BACH2: variants seen among roughly 807,000 people sequenced by gnomAD.
The protein encoded by BACH2 is transcription regulator protein BACH2.
Under a neutral mutation model 61.8 loss-of-function variants are expected in BACH2, and 5 were observed. That is an observed-to-expected ratio of 0.08 (90% CI 0.04 to 0.17). The LOEUF is 0.17. Among genes scored for constraint, BACH2 ranks in the 10% least tolerant of loss-of-function variants. The pLI is 1.00. For missense variants in BACH2, 824 were observed against 1,091.1 expected (o/e 0.76, Z 3.45); for synonymous variants, 446 against 440.1 (o/e 1.01, Z -0.17).
chr6:90,033,108 C>CA (rs34472999), intron 5 of BACH2, among the ~76,000 whole-genome samples: 56,649 of 150,962 alleles, frequency 0.38, 11,656 homozygotes, highest in East Asian at 0.82. Context: ...ATCGCAAGGA[C>CA]AAAAAACCAA....
intron 4 of BACH2, among the ~76,000 whole-genome samples, chr6:90,143,143 T>C (rs1164391445): frequency 2.6e-5 from 4 of 152,124 alleles, no homozygotes; most frequent in Non-Finnish European, 5.9e-5. Context: ...GTGACAGGGA[T>C]AGGTCTGCTT....
At chr6:90,014,772 CTTTTTATTT>C (rs1403389608) in intron 5 of BACH2, among the ~76,000 whole-genome samples, 4 of 151,208 alleles carry the variant, frequency 2.6e-5, no homozygotes, top group Non-Finnish European at 5.9e-5. Context: ...CGCCCCTGGC[CTTTTTATTT>C]TTTTTATTTT....
chr6:90,101,196 T>G (rs566037803), intron 4 of BACH2, among the ~76,000 whole-genome samples: 3 of 152,208 alleles, frequency 2.0e-5, no homozygotes, highest in Admixed American at 1.3e-4. Flanking sequence ...TGGACCATCT[T>G]TTCACTTTCT....
chr6:90,188,210 T>C (rs1276362386), intron 4 of BACH2, among the ~76,000 whole-genome samples: 1 of 152,264 alleles, frequency 6.6e-6, no homozygotes. Flanking sequence ...ATTTCTAAAA[T>C]GTAAAGTTTA....
intron 5 of BACH2, among the ~76,000 whole-genome samples, chr6:90,013,258 C>A (rs1461850056): frequency 2.6e-5 from 4 of 151,926 alleles, no homozygotes; most frequent in African/African-American, 4.8e-5. Flanking sequence ...ATTTTAATGT[C>A]TTTTTCTTAC....
intron 5 of BACH2, among the ~76,000 whole-genome samples, chr6:90,013,793 T>C (rs538236635): frequency 2.6e-4 from 40 of 152,030 alleles, no homozygotes; most frequent in Admixed American, 1.1e-3. Flanking sequence ...TAGGTGTGAG[T>C]CACTGTGCCC....
intron 6 of BACH2, among the ~76,000 whole-genome samples, chr6:89,975,467 CTTTCT>C (rs1775600736): frequency 6.6e-6 from 1 of 152,150 alleles, no homozygotes; most frequent in Admixed American, 6.5e-5. Context: ...AGTCCCTCAG[CTTTCT>C]TTTGTTTCTC....
At chr6:90,125,824 C>T (rs1783825747) in intron 4 of BACH2, among the ~76,000 whole-genome samples, 2 of 152,184 alleles carry the variant, frequency 1.3e-5, no homozygotes, top group African/African-American at 4.8e-5. Context: ...CTCACAGGGC[C>T]CCTGGAACTC....
chr6:90,253,352 A>G (rs911394658), intron 2 of BACH2, among the ~76,000 whole-genome samples: 6 of 152,232 alleles, frequency 3.9e-5, no homozygotes, highest in African/African-American at 1.4e-4. Context: ...TGTGGAACTA[A>G]TATTATGAGA....
chr6:89,980,124 A>G (rs555357194), intron 6 of BACH2, among the ~76,000 whole-genome samples: 3 of 152,150 alleles, frequency 2.0e-5, no homozygotes, highest in Non-Finnish European at 4.4e-5. Context: ...GTGAAACCCC[A>G]TCTCTACAAA....
At chr6:89,948,354 G>A (rs1465031136) in intron 7 of BACH2, among the ~76,000 whole-genome samples, 5 of 151,960 alleles carry the variant, frequency 3.3e-5, no homozygotes, top group East Asian at 1.9e-4. Context: ...CTACTGGCAC[G>A]AGCCACCACG....
intron 7 of BACH2, among the ~76,000 whole-genome samples, chr6:89,947,723 G>A (rs913197143): frequency 1.3e-4 from 20 of 151,690 alleles, no homozygotes; most frequent in Admixed American, 4.6e-4. Flanking sequence ...CCACCACGAC[G>A]CCCAGCTAAT....
intron 4 of BACH2, among the ~76,000 whole-genome samples, chr6:90,206,166 T>C (rs1170126531): frequency 2.0e-5 from 3 of 152,200 alleles, no homozygotes; most frequent in Non-Finnish European, 2.9e-5. Context: ...GTATCATTAT[T>C]ATCAGCATTT....
chr6:90,098,026 G>A (rs1432570209), intron 4 of BACH2, among the ~76,000 whole-genome samples: 3 of 152,060 alleles, frequency 2.0e-5, no homozygotes, highest in Admixed American at 6.5e-5. Context: ...AGCTGTATCC[G>A]CTTACAAAAA....
intron 4 of BACH2, among the ~76,000 whole-genome samples, chr6:90,105,778 A>T (rs1782876558): frequency 6.6e-6 from 1 of 152,220 alleles, no homozygotes; most frequent in South Asian, 2.1e-4. Context: ...AAAGTGAAGG[A>T]TGGGGCCATT....
chr6:90,200,088 C>G (rs1487713776), intron 4 of BACH2, among the ~76,000 whole-genome samples: 1 of 152,210 alleles, frequency 6.6e-6, no homozygotes, highest in Non-Finnish European at 1.5e-5. Flanking sequence ...CATGAAGACA[C>G]AGGCACACAT....
At chr6:90,150,415 A>G (rs916729560) in intron 4 of BACH2, among the ~76,000 whole-genome samples, 36 of 152,340 alleles carry the variant, frequency 2.4e-4, no homozygotes, top group African/African-American at 8.7e-4. Flanking sequence ...AGTTGCTTGC[A>G]ATATAGTCTC....
At chr6:90,005,166 A>T (rs1777342110) in intron 6 of BACH2, among the ~76,000 whole-genome samples, 1 of 152,046 alleles carries the variant, frequency 6.6e-6, no homozygotes, top group Admixed American at 6.5e-5. Context: ...CAGTCGCTGG[A>T]CGGCAGATCT....
At chr6:90,262,321 T>G (rs561642650) in intron 2 of BACH2, among the ~76,000 whole-genome samples, 1 of 152,306 alleles carries the variant, frequency 6.6e-6, no homozygotes, top group East Asian at 1.9e-4. Context: ...CTTTCAATGT[T>G]TGGTTTGGGA....
Sources: allele counts gnomAD v4.1 joint callset (sites outside exome capture counted in the v4.1 genomes callset), GRCh38; gene constraint gnomAD v4.1.1; transcripts MANE v1.5; gene names NCBI Gene and HGNC (gene_info 2026-07-23, HGNC 2026-07-21).